ST6GAL2: variants seen among roughly 807,000 people sequenced by gnomAD.
ST6GAL2 encodes the protein beta-galactoside alpha-2,6-sialyltransferase 2.
A neutral mutation model predicts 37.5 loss-of-function variants in ST6GAL2; 24 were observed. The observed-to-expected ratio is 0.64, with a 90% CI of 0.46 to 0.90. The LOEUF (loss-of-function observed/expected upper bound fraction) is 0.90, where lower values mean the gene tolerates loss of function less well. Ranked by LOEUF, ST6GAL2 falls within the 40% of genes least tolerant of loss-of-function variation. The pLI is 0.00. For missense variants in ST6GAL2, 715 were observed against 712.7 expected, an observed-to-expected ratio of 1.00 and a Z score of -0.04; for synonymous variants, 306 against 295.1, an observed-to-expected ratio of 1.04 and a Z score of -0.38.
intron 5 of ST6GAL2, among the ~76,000 whole-genome samples, chr2:106,816,966 C>T (rs1675825872): frequency 6.6e-6 from 1 of 152,170 alleles, no homozygotes; most frequent in Non-Finnish European, 1.5e-5. Context: ...TGCCCTGTTA[C>T]AGCAGAAAGC....
rs77261111 is a variant in ST6GAL2 at position 106,840,287 on chromosome 2, A to G, written c.943+2748T>C. On this transcript the variant is annotated intron_variant, in intron 2 of 5. Transcript: ENST00000409382. ...AATTTCGCTACACCATGCCCCCAAT[A>G]TTCTAAGCTGCCTGAAGGAATTTGC... Among the ~76,000 whole-genome samples, 806 of 152,316 alleles carry G rather than the reference A, an allele frequency of 5.3e-3. 7 individuals carry two copies. The highest frequency in any genetic ancestry group is 0.018 in the African/African-American group (761 of 41,558).
At chr2:106,862,468 A>G (rs970203249) in intron 1 of ST6GAL2, among the ~76,000 whole-genome samples, 3 of 152,216 alleles carry the variant, frequency 2.0e-5, no homozygotes, top group Non-Finnish European at 4.4e-5. Context: ...TGAATTTGAC[A>G]AAAATCTATA....
intron 2 of ST6GAL2, among the ~76,000 whole-genome samples, chr2:106,836,244 C>G (rs1454483935): frequency 1.3e-5 from 2 of 152,118 alleles, no homozygotes; most frequent in Non-Finnish European, 2.9e-5. Flanking sequence ...CTCACATCTG[C>G]TTTTGAATTC....
chr2:106,853,911 T>C (rs986938986), intron 1 of ST6GAL2, among the ~76,000 whole-genome samples: 4 of 152,174 alleles, frequency 2.6e-5, no homozygotes, highest in African/African-American at 9.7e-5. Context: ...TTCATCTGCT[T>C]TGGACTCAGT....
intron 1 of ST6GAL2, among the ~76,000 whole-genome samples, chr2:106,844,839 AAAGT>A (rs1193792501): frequency 9.2e-5 from 14 of 152,190 alleles, no homozygotes; most frequent in African/African-American, 3.1e-4. Context: ...GCAGAGATGA[AAAGT>A]AAGATACAAT....
chr2:106,863,710 G>T (rs1301415057), intron 1 of ST6GAL2, among the ~76,000 whole-genome samples: 5 of 152,300 alleles, frequency 3.3e-5, no homozygotes, highest in African/African-American at 1.2e-4. Context: ...TCTCCCAACT[G>T]TAAAATAAGA....
At chr2:106,813,565 G>A (rs997906776) in intron 5 of ST6GAL2, among the ~76,000 whole-genome samples, 3 of 152,158 alleles carry the variant, frequency 2.0e-5, no homozygotes, top group African/African-American at 7.2e-5. Context: ...TCAGAGTCTA[G>A]TATAATCATT....
chr2:106,834,647 T>C (rs998088800), intron 2 of ST6GAL2: 1 of 152,932 alleles, frequency 6.5e-6, no homozygotes, highest in East Asian at 1.9e-4. Flanking sequence ...GCATGTAATG[T>C]TGAAGAAAGA....
At chr2:106,861,588 A>G (rs1677797824) in intron 1 of ST6GAL2, among the ~76,000 whole-genome samples, 1 of 152,028 alleles carries the variant, frequency 6.6e-6, no homozygotes, top group Non-Finnish European at 1.5e-5. Context: ...ATATTTCATT[A>G]CTAAATAAAA....
rs1456670694 is a variant in ST6GAL2, at chr2:106,806,856, AGCTC to A, written c.1408_1411del (p.Glu470CysfsTer25). ...GAGGGTGCAGGCTGCGTCGTAGTAC[AGCTC>A]GTGGTAGTGGCACAGCTCCGTCTGC... On this transcript the variant is annotated frameshift_variant, in exon 6 of 6. Coordinates refer to ENST00000409382, the MANE Select transcript of ST6GAL2 (RefSeq NM_001142351.2). LOFTEE classifies it high-confidence loss of function. 1.2e-6 allele frequency: 2 copies of A among 1,614,066 alleles called. No individual in the cohort carries two copies. The highest frequency in any genetic ancestry group is 8.5e-7 in the Non-Finnish European group (1 of 1,180,052).
chr2:106,884,811 GA>G (rs1678894482), intron 1 of ST6GAL2, among the ~76,000 whole-genome samples: 1 of 150,132 alleles, frequency 6.7e-6, no homozygotes, highest in Non-Finnish European at 1.5e-5. Flanking sequence ...GTCAGTTCCA[GA>G]AAAATAATGG....
chr2:106,834,386 A>T (rs1676548737), intron 2 of ST6GAL2: 1 of 426,716 alleles, frequency 2.3e-6, no homozygotes, highest in African/African-American at 2.0e-5. Context: ...GCGAGACTGT[A>T]TGATCTAAGT....
chr2:106,850,248 C>T (rs1304491419), intron 1 of ST6GAL2, among the ~76,000 whole-genome samples: 1 of 152,274 alleles, frequency 6.6e-6, no homozygotes, highest in Non-Finnish European at 1.5e-5. Context: ...GAAGAAGCAC[C>T]TGGCAGGATA....
intron 5 of ST6GAL2, among the ~76,000 whole-genome samples, chr2:106,817,810 C>T (rs1675858375): frequency 6.6e-6 from 1 of 152,210 alleles, no homozygotes; most frequent in Non-Finnish European, 1.5e-5. Flanking sequence ...CACAGCACTT[C>T]TTGACCTGCC....
At position 106,830,147 on chromosome 2, in the gene ST6GAL2, A is replaced by G; in HGVS notation, c.1237T>C (p.Phe413Leu). ...ATAATATCCCAGAGCTGCCATATAA[A>G]TTTAGGATGAAGAATGTAAAATGGC... ...NQPFYILHPK[F>L]IWQLWDIIQE... The change falls in exon 5 of 6, where the codon TTT (phenylalanine) becomes CTT (leucine). Residue 413 changes from phenylalanine (F) to leucine (L), a missense_variant. Coordinates refer to ENST00000409382, the MANE Select transcript of ST6GAL2 (RefSeq NM_001142351.2). 1.2e-6 allele frequency: 2 copies of G among 1,613,988 alleles called. No homozygotes were observed. Among genetic ancestry groups the G allele is most frequent in the Non-Finnish European group, 1.7e-6 (2 of 1,179,944 alleles).
At chr2:106,847,515 G>A (rs1677190648) in intron 1 of ST6GAL2, among the ~76,000 whole-genome samples, 1 of 152,132 alleles carries the variant, frequency 6.6e-6, no homozygotes, top group South Asian at 2.1e-4. Flanking sequence ...ATGTGTTAAG[G>A]GCTCAGGCCT....
chr2:106,826,347 A>G (rs1185077679), intron 5 of ST6GAL2, among the ~76,000 whole-genome samples: 2 of 152,134 alleles, frequency 1.3e-5, no homozygotes, highest in South Asian at 2.1e-4. Flanking sequence ...GGCACTTCAC[A>G]TGTTGAAAGC....
At chr2:106,858,280 A>C (rs1164109154) in intron 1 of ST6GAL2, among the ~76,000 whole-genome samples, 1 of 152,176 alleles carries the variant, frequency 6.6e-6, no homozygotes, top group East Asian at 1.9e-4. Context: ...ATGCTGAACA[A>C]ATCAAAAAGA....
intron 5 of ST6GAL2, among the ~76,000 whole-genome samples, chr2:106,827,074 A>G (rs1676237528): frequency 6.6e-6 from 1 of 152,210 alleles, no homozygotes; most frequent in African/African-American, 2.4e-5. Flanking sequence ...TCTTTCATTC[A>G]GGAGCTGACG....
Sources: gnomAD v4.1 joint callset for allele counts (sites outside exome capture counted in the v4.1 genomes callset) on GRCh38, gnomAD v4.1.1 for gene constraint, MANE v1.5 for transcripts, NCBI Gene and HGNC (gene_info 2026-07-23, HGNC 2026-07-21) for gene names.